GNAO1: variants seen among roughly 807,000 people sequenced by gnomAD.
GNAO1 encodes the protein guanine nucleotide-binding protein G(o) subunit alpha.
For synonymous variants in GNAO1, 164 were observed against 180.7 expected (o/e 0.91, Z 0.74); for missense variants, 166 against 478.7 (o/e 0.35, Z 6.10).
At chr16:56,222,068 TA>T (rs2036494977) in intron 2 of GNAO1, among the ~76,000 whole-genome samples, 1 of 152,208 alleles carries the variant, frequency 6.6e-6, no homozygotes, top group Non-Finnish European at 1.5e-5. Flanking sequence ...CAAGAGTTTT[TA>T]AGATAACTCA....
chr16:56,194,357 C>T (rs1282537136), intron 2 of GNAO1: 1 of 436,884 alleles, frequency 2.3e-6, no homozygotes, highest in Non-Finnish European at 4.7e-6. Flanking sequence ...ATGCAAGCCG[C>T]GCCACCCCTT....
chr16:56,343,777 A>G (rs1340548576), intron 6 of GNAO1: 4 of 1,613,266 alleles, frequency 2.5e-6, no homozygotes, highest in Non-Finnish European at 3.4e-6. Context: ...CAGCGCCTTC[A>G]CAGAAGCCGT....
At chr16:56,237,889 T>C (rs2036654233) in intron 2 of GNAO1, among the ~76,000 whole-genome samples, 1 of 152,218 alleles carries the variant, frequency 6.6e-6, no homozygotes, top group Non-Finnish European at 1.5e-5. Context: ...AGACCCAAGT[T>C]AGTGTCTAGG....
chr16:56,206,006 A>G (rs114494953), intron 2 of GNAO1, among the ~76,000 whole-genome samples: 2,092 of 152,230 alleles, frequency 0.014, 53 homozygotes, highest in African/African-American at 0.048. Flanking sequence ...GGGAGGGAAA[A>G]ATAGCACACA....
chr16:56,314,568 T>C (rs2037489892), intron 3 of GNAO1, among the ~76,000 whole-genome samples: 1 of 152,190 alleles, frequency 6.6e-6, no homozygotes, highest in Admixed American at 6.5e-5. Flanking sequence ...ACCAACGACA[T>C]TCTTCAGTCC....
intron 2 of GNAO1, among the ~76,000 whole-genome samples, chr16:56,213,084 A>T (rs932260485): frequency 1.4e-4 from 22 of 152,246 alleles, no homozygotes; most frequent in Non-Finnish European, 2.2e-4. Flanking sequence ...CAGCTAAGCC[A>T]GGCCAGACCC....
At chr16:56,269,798 G>A (rs551625864) in intron 2 of GNAO1, among the ~76,000 whole-genome samples, 1 of 152,228 alleles carries the variant, frequency 6.6e-6, no homozygotes, top group African/African-American at 2.4e-5. Context: ...TCCAGAAGTT[G>A]GGGGGGAAAC....
intron 6 of GNAO1, chr16:56,344,861 G>A (rs1400962707): frequency 3.9e-5 from 38 of 985,392 alleles, no homozygotes; most frequent in Non-Finnish European, 4.2e-5. Flanking sequence ...CCTTTGGGCT[G>A]GGGATTCTGT....
intron 3 of GNAO1, among the ~76,000 whole-genome samples, chr16:56,320,585 A>T (rs1444227514): frequency 2.0e-5 from 3 of 152,250 alleles, no homozygotes; most frequent in African/African-American, 7.2e-5. Context: ...GGGAGTGAGC[A>T]AAGGAAGCTG....
chr16:56,243,773 A>G (rs1218814619), intron 2 of GNAO1, among the ~76,000 whole-genome samples: 1 of 152,158 alleles, frequency 6.6e-6, no homozygotes, highest in East Asian at 1.9e-4. Context: ...TAAATTGTAT[A>G]CTCTAAATAG....
intron 3 of GNAO1, among the ~76,000 whole-genome samples, chr16:56,291,013 A>T (rs556140140): frequency 2.0e-4 from 31 of 152,308 alleles, no homozygotes; most frequent in African/African-American, 7.5e-4. Context: ...TCATCTATTC[A>T]TCATTTGATG....
At chr16:56,235,913 C>T (rs1361547546) in intron 2 of GNAO1, among the ~76,000 whole-genome samples, 1 of 152,306 alleles carries the variant, frequency 6.6e-6, no homozygotes, top group African/African-American at 2.4e-5. Flanking sequence ...GGTAGATGGG[C>T]ATTTTATGTA....
chr16:56,345,088 G>A, intron 6 of GNAO1: 1 of 985,544 alleles, frequency 1.0e-6, no homozygotes, highest in Non-Finnish European at 1.2e-6. Context: ...AGAGTCCTAG[G>A]ACTCCTTAGA....
chr16:56,340,995 C>G (rs768816010), intron 6 of GNAO1: 1 of 1,611,794 alleles, frequency 6.2e-7, no homozygotes. Context: ...CAGGTAGAGA[C>G]CCCTCCAGGG....
At chr16:56,288,079 T>A (rs1399662703) in intron 3 of GNAO1, among the ~76,000 whole-genome samples, 5 of 152,078 alleles carry the variant, frequency 3.3e-5, no homozygotes, top group African/African-American at 1.2e-4. Context: ...CCACAGCCCC[T>A]CCAGCCAGAC....
intron 6 of GNAO1, among the ~76,000 whole-genome samples, chr16:56,350,911 A>G (rs2037914512): frequency 6.6e-6 from 1 of 152,098 alleles, no homozygotes; most frequent in African/African-American, 2.4e-5. Context: ...ACAGGCACAC[A>G]CACAGGCACG....
At chr16:56,346,003 C>T (rs1273667381) in intron 6 of GNAO1, 2 of 985,046 alleles carry the variant, frequency 2.0e-6, no homozygotes, top group Non-Finnish European at 2.4e-6. Context: ...GCCTCCAATC[C>T]AGGCCTTCCC....
At chr16:56,230,737 G>A (rs754683321) in intron 2 of GNAO1, among the ~76,000 whole-genome samples, 1 of 152,086 alleles carries the variant, frequency 6.6e-6, no homozygotes, top group Non-Finnish European at 1.5e-5. Flanking sequence ...CCATTGACTC[G>A]CGATAAGGTT....
chr16:56,195,483 A>C (rs1198949742), intron 2 of GNAO1, among the ~76,000 whole-genome samples: 1 of 152,210 alleles, frequency 6.6e-6, no homozygotes, highest in Admixed American at 6.5e-5. Flanking sequence ...CTTGACTGAG[A>C]GTCACTTTGA....
Sources: gnomAD v4.1 joint callset for allele counts (sites outside exome capture counted in the v4.1 genomes callset) on GRCh38, gnomAD v4.1.1 for gene constraint, MANE v1.5 for transcripts, NCBI Gene and HGNC (gene_info 2026-07-23, HGNC 2026-07-21) for gene names.